CFAP53: variants seen among roughly 807,000 people sequenced by gnomAD.
The protein encoded by CFAP53 is cilia and flagella associated protein 53.
A neutral mutation model predicts 59.7 loss-of-function variants in CFAP53; 62 were observed. The observed-to-expected ratio is 1.04, with a 90% CI of 0.85 to 1.28. The LOEUF (loss-of-function observed/expected upper bound fraction) is 1.28. Among genes scored for constraint, CFAP53 ranks in the 50% most tolerant of loss-of-function variants. The probability of loss-of-function intolerance (pLI) is 0.00; values close to 1 mark genes in which losing one functional copy is unlikely to be tolerated. For missense variants in CFAP53, 629 were observed against 615.6 expected, an observed-to-expected ratio of 1.02 and a Z score of -0.23; for synonymous variants, 218 against 205.7, an observed-to-expected ratio of 1.06 and a Z score of -0.51.
chr18:50,246,278 A>T (rs1310481861), intron 5 of CFAP53, among the ~76,000 whole-genome samples: 5 of 152,232 alleles, frequency 3.3e-5, no homozygotes, highest in Non-Finnish European at 7.3e-5. Context: ...GGATAGAGAT[A>T]TAGATTGATG....
chr18:50,266,419 C>A lies in CFAP53; in HGVS notation c.-15G>T, dbSNP rs375383045. ...TGGCTGTACATTTTCGAGTCCCCTT[C>A]GGGACGGGGGCGGCGTCCGCCGCGT... On this transcript the variant is annotated 5_prime_UTR_variant, in exon 1 of 8. Transcript: ENST00000398545. 6.2e-7 allele frequency: 1 copy of A among 1,614,014 alleles called. No homozygotes were observed. The highest frequency in any genetic ancestry group is 8.5e-7 in the Non-Finnish European group (1 of 1,179,840).
At chr18:50,250,671 T>C in intron 5 of CFAP53, 87 bp downstream of exon 5, 1 of 1,002,760 alleles carries the variant, frequency 1.0e-6, no homozygotes, top group Non-Finnish European at 1.6e-6. Flanking sequence ...GTAGCACTGC[T>C]ATATATTTGA....
chr18:50,242,457 G>C (rs1005772582), intron 6 of CFAP53, among the ~76,000 whole-genome samples: 1 of 152,220 alleles, frequency 6.6e-6, no homozygotes, highest in Non-Finnish European at 1.5e-5. Context: ...ATTTGGGGAA[G>C]TGATAAATGT....
chr18:50,251,102 T>C, intron 4 of CFAP53, 126 bp from the exon 5 acceptor site: 1 of 817,298 alleles, frequency 1.2e-6, no homozygotes, highest in South Asian at 1.7e-5. Flanking sequence ...TTAGAGAGGC[T>C]GTAAGAAAGA....
chr18:50,240,343 T>C (rs60460293), intron 6 of CFAP53, among the ~76,000 whole-genome samples: 21,070 of 152,230 alleles, frequency 0.14, 1,824 homozygotes, highest in South Asian at 0.2. Flanking sequence ...TCCAATTACC[T>C]GCTCTGCCCT....
At chr18:50,227,677 C>T in intron 7 of CFAP53, 68 bp from the exon 8 acceptor site, 1 of 1,163,756 alleles carries the variant, frequency 8.6e-7, no homozygotes, top group Non-Finnish European at 1.3e-6. Context: ...CAGAGCATTA[C>T]AATTAAAATA....
At chr18:50,237,397 CACACACAT>C (rs1425509346) in intron 7 of CFAP53, among the ~76,000 whole-genome samples, 3 of 95,594 alleles carry the variant, frequency 3.1e-5, no homozygotes, top group Non-Finnish European at 6.2e-5. Flanking sequence ...CACACACACA[CACACACAT>C]ATATATATAT....
At chr18:50,258,209 C>T (rs1435135747) in intron 3 of CFAP53, among the ~76,000 whole-genome samples, 1 of 152,168 alleles carries the variant, frequency 6.6e-6, no homozygotes, top group African/African-American at 2.4e-5. Flanking sequence ...AATTATACTA[C>T]AGAGCTATAG....
rs767404159 is a variant in CFAP53, at chr18:50,261,155, CT to C, written c.381del (p.Asp128IlefsTer3). On this transcript the variant is annotated frameshift_variant, in exon 3 of 8. Transcript: ENST00000398545. LOFTEE classifies it high-confidence loss of function. ...QLKKETIEEK[K>X]DRMREKTKLL... ...AATTTAGTTTTCTCTCTCATCCTAT[CT>C]TTTTTCTCCTCAATGGTTTCTTTCT... 3.8e-6 allele frequency: 6 copies of C among 1,592,472 alleles called. No individual in the cohort carries two copies. The African/African-American group carries it at 4.1e-5, about 11-fold the overall frequency.
intron 7 of CFAP53, among the ~76,000 whole-genome samples, chr18:50,235,345 C>T (rs1406686654): frequency 6.6e-6 from 1 of 152,132 alleles, no homozygotes; most frequent in Non-Finnish European, 1.5e-5. Context: ...GCAGGTGGAT[C>T]ACCTAAGGTC....
intron 6 of CFAP53, among the ~76,000 whole-genome samples, chr18:50,239,047 T>TTTA (rs529092374): frequency 4.0e-5 from 6 of 148,334 alleles, no homozygotes; most frequent in Non-Finnish European, 7.4e-5. Flanking sequence ...TTATAAATAA[T>TTTA]TTATTATTTA....
chr18:50,249,063 C>T (rs981113700), intron 5 of CFAP53, among the ~76,000 whole-genome samples: 4 of 151,288 alleles, frequency 2.6e-5, no homozygotes, highest in South Asian at 2.1e-4. Context: ...ATTAGCCAGA[C>T]GCAGTGGCAC....
chr18:50,236,855 A>C (rs2033638853), intron 7 of CFAP53, among the ~76,000 whole-genome samples: 1 of 152,190 alleles, frequency 6.6e-6, no homozygotes, highest in Non-Finnish European at 1.5e-5. Context: ...AATTGCTTTA[A>C]ACCACACATT....
intron 1 of CFAP53, among the ~76,000 whole-genome samples, chr18:50,264,391 C>G (rs2033919014): frequency 6.6e-6 from 1 of 152,180 alleles, no homozygotes; most frequent in Non-Finnish European, 1.5e-5. Context: ...TGGCCTCTGT[C>G]CATTACTAAT....
intron 1 of CFAP53, among the ~76,000 whole-genome samples, chr18:50,266,031 T>G (rs2033962757): frequency 2.0e-5 from 3 of 152,174 alleles, no homozygotes; most frequent in Admixed American, 1.3e-4. Flanking sequence ...CCTTCCGGTG[T>G]CTTGGAGACT....
intron 7 of CFAP53, among the ~76,000 whole-genome samples, chr18:50,235,529 C>G (rs902953150): frequency 1.3e-5 from 2 of 150,120 alleles, no homozygotes; most frequent in Non-Finnish European, 3.0e-5. Flanking sequence ...GATCACGCCA[C>G]TGCATTCCAG....
At position 50,248,129 on chromosome 18, in the gene CFAP53, TA is replaced by T. The variant is rs60474914; in HGVS notation, c.996+2628del. Among the ~76,000 whole-genome samples the T allele has an allele frequency of 1.9e-3, 251 of 135,020 alleles. 1 individual carries two copies. Among genetic ancestry groups the T allele is most frequent in the African/African-American group, 6.1e-3 (225 of 36,890 alleles). The allele number at this position is 135,020 out of a possible 152,430, so 88.6% of individuals were successfully genotyped here. A position where few individuals can be genotyped will look rare whatever the true frequency, so the allele number is the denominator to read the frequency against. On this transcript the variant is annotated intron_variant, in intron 5 of 7. Coordinates refer to ENST00000398545, the MANE Select transcript of CFAP53 (RefSeq NM_145020.5). ...AGTGAGATACTGGCTCAACAAAAAT[TA>T]AAAAAAAAAAAAAAAACAGAAAATG...
At chr18:50,239,125 T>C (rs1039404102) in intron 6 of CFAP53, among the ~76,000 whole-genome samples, 28 of 151,064 alleles carry the variant, frequency 1.9e-4, no homozygotes, top group African/African-American at 6.5e-4. Flanking sequence ...CAATGCCTCA[T>C]GCCGGTAATC....
chr18:50,228,665 C>T lies in CFAP53; in HGVS notation c.1317-1056G>A, dbSNP rs2144398033. On this transcript the variant is annotated intron_variant, in intron 7 of 7. Transcript: ENST00000398545. ...ATTTAGCTGGGCATGGTGGTACATG[C>T]CTGTAATCCCAGCTACTCAGGAGGC... Among the ~76,000 whole-genome samples the T allele has an allele frequency of 1.3e-5, 2 of 152,074 alleles. 1 individual carries two copies. The highest frequency in any genetic ancestry group is 4.2e-4 in the South Asian group (2 of 4,810).
Sources: gnomAD v4.1 joint callset for allele counts (sites outside exome capture counted in the v4.1 genomes callset) on GRCh38, gnomAD v4.1.1 for gene constraint, MANE v1.5 for transcripts, NCBI Gene and HGNC (gene_info 2026-07-23, HGNC 2026-07-21) for gene names.